MDGA2: variants seen among roughly 807,000 people sequenced by gnomAD.
The protein encoded by MDGA2 is MAM domain containing glycosylphosphatidylinositol anchor 2.
In MDGA2, 40 loss-of-function variants were observed where a neutral mutation model predicts 117.8. The observed-to-expected ratio is 0.34, with a 90% confidence interval of 0.26 to 0.44. MDGA2 has a LOEUF of 0.44. Ranked by LOEUF, MDGA2 falls within the 20% of genes least tolerant of loss-of-function variation. MDGA2 has a pLI of 1.00. For missense variants in MDGA2, 1,123 were observed against 1,250.6 expected (o/e 0.90, Z 1.54); for synonymous variants, 452 against 439.0 (o/e 1.03, Z -0.37).
At chr14:47,166,819 A>G (rs1327174914) in intron 3 of MDGA2, among the ~76,000 whole-genome samples, 2 of 152,218 alleles carry the variant, frequency 1.3e-5, no homozygotes, top group East Asian at 3.9e-4. Context: ...TGATAGTACT[A>G]AGAGCATAAC....
At chr14:47,168,683 T>C (rs1031474658) in intron 3 of MDGA2, among the ~76,000 whole-genome samples, 1 of 152,128 alleles carries the variant, frequency 6.6e-6, no homozygotes, top group Non-Finnish European at 1.5e-5. Context: ...TAGATTCTGA[T>C]AGAGCTATCA....
intron 8 of MDGA2, among the ~76,000 whole-genome samples, chr14:46,958,886 T>C (rs1450564602): frequency 6.6e-6 from 1 of 152,238 alleles, no homozygotes; most frequent in Non-Finnish European, 1.5e-5. Flanking sequence ...ATTTCTGTTC[T>C]GGGTGTGCCC....
At chr14:47,516,403 T>C (rs1409416183) in intron 1 of MDGA2, among the ~76,000 whole-genome samples, 2 of 152,188 alleles carry the variant, frequency 1.3e-5, no homozygotes, top group Non-Finnish European at 2.9e-5. Flanking sequence ...CAAATTCCTT[T>C]GAACTTATTC....
intron 2 of MDGA2, among the ~76,000 whole-genome samples, chr14:47,279,754 C>A (rs1222019017): frequency 6.6e-6 from 1 of 152,026 alleles, no homozygotes; most frequent in African/African-American, 2.4e-5. Flanking sequence ...CACACCTACC[C>A]ATTCCCCTAC....
intron 1 of MDGA2, among the ~76,000 whole-genome samples, chr14:47,541,742 A>G (rs748542001): frequency 2.0e-5 from 3 of 152,166 alleles, no homozygotes; most frequent in Non-Finnish European, 1.5e-5. Context: ...ATTTTCTTAC[A>G]GTGTTTGAGT....
chr14:46,889,464 T>C lies in MDGA2; in HGVS notation c.2239-7243A>G, dbSNP rs78191863. ...TATGTCTAAATTAAAGAGTTTTCCT[T>C]GAAAGCATCCTGGTGTGGTATAGGA... is the stretch of plus-strand genomic sequence containing the variant. On this transcript the variant is annotated intron_variant, in intron 10 of 16. Coordinates refer to ENST00000399232, the MANE Select transcript of MDGA2 (RefSeq NM_001113498.3). 4.9e-3 allele frequency among the ~76,000 whole-genome samples: 739 copies of C among 152,218 alleles called. 6 individuals are homozygous for C. The highest frequency in any genetic ancestry group is 0.016 in the African/African-American group (683 of 41,578).
At chr14:47,128,241 C>T (rs911175568) in intron 5 of MDGA2, among the ~76,000 whole-genome samples, 3 of 152,032 alleles carry the variant, frequency 2.0e-5, no homozygotes, top group African/African-American at 7.2e-5. Context: ...TAGAAAAATA[C>T]ATGACAAGAA....
At chr14:47,104,827 C>A (rs547526329) in intron 5 of MDGA2, among the ~76,000 whole-genome samples, 9 of 152,260 alleles carry the variant, frequency 5.9e-5, no homozygotes, top group African/African-American at 2.2e-4. Flanking sequence ...AATTTCAAAT[C>A]CGGTAAGCGG....
chr14:46,863,894 T>C (rs1473006665), intron 14 of MDGA2, among the ~76,000 whole-genome samples: 4 of 151,896 alleles, frequency 2.6e-5, no homozygotes, highest in Admixed American at 2.6e-4. Flanking sequence ...GTAAAAAGAG[T>C]TTTATTATAC....
chr14:47,290,890 A>C (rs1262305830), intron 2 of MDGA2, among the ~76,000 whole-genome samples: 1 of 152,168 alleles, frequency 6.6e-6, no homozygotes, highest in Non-Finnish European at 1.5e-5. Context: ...GAAGACATGT[A>C]GAATGTGCCC....
At chr14:46,871,649 A>T (rs998873005) in intron 14 of MDGA2, 1 of 154,572 alleles carries the variant, frequency 6.5e-6, no homozygotes. Context: ...AGTGTCTGCC[A>T]TCTGGTTGAA....
At chr14:47,531,014 G>A (rs868085351) in intron 1 of MDGA2, among the ~76,000 whole-genome samples, 20 of 152,244 alleles carry the variant, frequency 1.3e-4, no homozygotes, top group South Asian at 2.1e-4. Flanking sequence ...GGGAGGCCGA[G>A]GTGGGCGGAT....
At chr14:47,375,815 T>C (rs184196933) in intron 1 of MDGA2, among the ~76,000 whole-genome samples, 140 of 152,236 alleles carry the variant, frequency 9.2e-4, no homozygotes, top group African/African-American at 3.1e-3. Context: ...CTGTGATTTA[T>C]CATTTATGTG....
At chr14:47,071,517 A>G (rs1485995752) in intron 6 of MDGA2, among the ~76,000 whole-genome samples, 3 of 152,024 alleles carry the variant, frequency 2.0e-5, no homozygotes, top group Non-Finnish European at 4.4e-5. Flanking sequence ...TGTTTAAAGT[A>G]TATTTTTAAA....
intron 14 of MDGA2, among the ~76,000 whole-genome samples, chr14:46,863,677 T>C (rs1799720699): frequency 6.6e-6 from 1 of 152,158 alleles, no homozygotes; most frequent in African/African-American, 2.4e-5. Flanking sequence ...TCTCAGCTAC[T>C]GTGTTCTCAG....
chr14:47,032,927 G>C (rs2138637108), intron 8 of MDGA2, among the ~76,000 whole-genome samples: 1 of 152,266 alleles, frequency 6.6e-6, no homozygotes, highest in East Asian at 1.9e-4. Context: ...GGCAGGCCAG[G>C]GAAGTTTTCC....
chr14:47,496,922 T>C lies in MDGA2; in HGVS notation c.280+177595A>G, dbSNP rs150638749. ...GGTTTGGGGATGAAACTGTTCCACC[T>C]CAGATCATCAGGCATTAGATTCTCA... On this transcript the variant is annotated intron_variant, in intron 1 of 16. Coordinates refer to ENST00000399232, the MANE Select transcript of MDGA2 (RefSeq NM_001113498.3). Among the ~76,000 whole-genome samples, 47 of 152,088 alleles carry C rather than the reference T, an allele frequency of 3.1e-4. No homozygotes were observed. The East Asian group carries it at 8.9e-3, about 29-fold the overall frequency.
chr14:47,573,701 CCAGCTGCTTAAACA>C (rs1896062892), intron 1 of MDGA2, among the ~76,000 whole-genome samples: 1 of 152,170 alleles, frequency 6.6e-6, no homozygotes, highest in South Asian at 2.1e-4. Context: ...AACTTGTGCT[CCAGCTGCTTAAACA>C]CAGCTGCTCT....
chr14:47,495,466 T>A (rs771724701), intron 1 of MDGA2, among the ~76,000 whole-genome samples: 1 of 152,150 alleles, frequency 6.6e-6, no homozygotes, highest in Admixed American at 6.5e-5. Context: ...TTAGAAATCA[T>A]GCTGCTTTTA....
Sources: allele counts gnomAD v4.1 joint callset (sites outside exome capture counted in the v4.1 genomes callset), GRCh38; gene constraint gnomAD v4.1.1; transcripts MANE v1.5; gene names NCBI Gene and HGNC (gene_info 2026-07-23, HGNC 2026-07-21).